CTNNA3: variants seen among roughly 807,000 people sequenced by gnomAD.
CTNNA3 encodes the protein catenin alpha 3, also known as catenin alpha-3.
A neutral mutation model predicts 95.7 loss-of-function variants in CTNNA3; 76 were observed. That is an observed-to-expected ratio of 0.79 (90% CI 0.66 to 0.96). The LOEUF (loss-of-function observed/expected upper bound fraction) is 0.96. Ranked by LOEUF, CTNNA3 falls within the 40% of genes least tolerant of loss-of-function variation. The probability of loss-of-function intolerance (pLI) is 0.00; values close to 1 mark genes in which losing one functional copy is unlikely to be tolerated. For synonymous variants in CTNNA3, 431 were observed against 374.4 expected, an observed-to-expected ratio of 1.15 and a Z score of -1.74; for missense variants, 1,191 against 1,089.8, an observed-to-expected ratio of 1.09 and a Z score of -1.31.
chr10:66,980,318 A>G (rs1213653734), intron 7 of CTNNA3, among the ~76,000 whole-genome samples: 1 of 152,174 alleles, frequency 6.6e-6, no homozygotes, highest in African/African-American at 2.4e-5. Flanking sequence ...TTCTTTCAGC[A>G]GCCAAACACT....
intron 9 of CTNNA3, among the ~76,000 whole-genome samples, chr10:66,753,698 C>T (rs1839255929): frequency 6.6e-6 from 1 of 150,958 alleles, no homozygotes; most frequent in Non-Finnish European, 1.5e-5. Context: ...TATACACACA[C>T]ACACAAATAA....
intron 5 of CTNNA3, among the ~76,000 whole-genome samples, chr10:67,425,033 G>A (rs989919574): frequency 5.3e-5 from 8 of 152,002 alleles, no homozygotes. Context: ...GTCACTCAAA[G>A]CACTTAGTAT....
At chr10:66,267,659 T>C (rs192875283) in intron 13 of CTNNA3, among the ~76,000 whole-genome samples, 9 of 152,250 alleles carry the variant, frequency 5.9e-5, no homozygotes, top group Admixed American at 5.2e-4. Context: ...GACTGTATCC[T>C]GTACAGGATA....
chr10:66,409,635 C>T (rs1245860521), intron 11 of CTNNA3, among the ~76,000 whole-genome samples: 1 of 152,088 alleles, frequency 6.6e-6, no homozygotes, highest in Non-Finnish European at 1.5e-5. Context: ...ACTCTGATGG[C>T]AGTGAGACCA....
At chr10:67,722,511 T>C (rs1263026233) in intron 1 of CTNNA3, among the ~76,000 whole-genome samples, 4 of 152,188 alleles carry the variant, frequency 2.6e-5, no homozygotes, top group African/African-American at 9.7e-5. Flanking sequence ...ATAAAGATGA[T>C]ATCCCAAAAG....
At chr10:66,772,669 C>T (rs552826629) in intron 8 of CTNNA3, among the ~76,000 whole-genome samples, 19 of 152,264 alleles carry the variant, frequency 1.2e-4, no homozygotes, top group East Asian at 3.9e-4. Flanking sequence ...ATACTCTCGC[C>T]TCCTAGAACA....
rs1207318988 is a variant in CTNNA3 at position 66,927,659 on chromosome 10, T to C, written c.1048-152135A>G. The C allele has an allele frequency of 1.9e-6, 3 of 1,614,182 alleles. No individual in the cohort carries two copies. Among genetic ancestry groups the C allele is most frequent in the Non-Finnish European group, 2.5e-6 (3 of 1,180,030 alleles). Reference sequence around the variant, plus strand: ...AAAATCAGTGTCATAGGACAGACCATGTCCTGGACCTGGAGCTCCTTACAA... The same window carrying C: ...AAAATCAGTGTCATAGGACAGACCACGTCCTGGACCTGGAGCTCCTTACAA... On this transcript the variant is annotated intron_variant, in intron 7 of 17. Transcript: ENST00000433211. This position sits in a 1 kb window ranked among gnomAD's most constrained non-coding sequence, Gnocchi z 4.7.
At chr10:66,040,712 C>G (rs1414546523) in intron 15 of CTNNA3, among the ~76,000 whole-genome samples, 6 of 152,044 alleles carry the variant, frequency 3.9e-5, no homozygotes, top group Admixed American at 6.6e-5. Flanking sequence ...ACAACAGACA[C>G]TGGCGCCTAC....
chr10:66,952,533 GTATT>G (rs1245211059), intron 7 of CTNNA3, among the ~76,000 whole-genome samples: 1 of 151,800 alleles, frequency 6.6e-6, no homozygotes, highest in Non-Finnish European at 1.5e-5. Flanking sequence ...AATTGTGTGT[GTATT>G]TATGTGTGTG....
intron 13 of CTNNA3, 80 bp downstream of exon 13, chr10:66,280,390 A>C (rs2091471056): frequency 8.2e-7 from 1 of 1,223,326 alleles, no homozygotes; most frequent in Admixed American, 2.0e-5. Context: ...ATAGAAATAA[A>C]GCATTTCTTG....
At chr10:67,310,716 G>A (rs998137876) in intron 5 of CTNNA3, among the ~76,000 whole-genome samples, 3 of 152,152 alleles carry the variant, frequency 2.0e-5, no homozygotes, top group African/African-American at 7.2e-5. Flanking sequence ...CAGGGGAAAA[G>A]CCCCTTATAA....
At chr10:67,278,411 G>A (rs1315580020) in intron 5 of CTNNA3, among the ~76,000 whole-genome samples, 1 of 152,146 alleles carries the variant, frequency 6.6e-6, no homozygotes, top group African/African-American at 2.4e-5. Flanking sequence ...GAAACACATT[G>A]GTTTGGTTCA....
At chr10:66,368,540 T>C (rs2092729915) in intron 12 of CTNNA3, among the ~76,000 whole-genome samples, 2 of 152,178 alleles carry the variant, frequency 1.3e-5, no homozygotes, top group African/African-American at 4.8e-5. Context: ...CTTTTCAGTT[T>C]ACTCTTGTGT....
intron 12 of CTNNA3, among the ~76,000 whole-genome samples, chr10:66,331,117 T>C (rs1470242058): frequency 1.3e-5 from 2 of 151,974 alleles, no homozygotes; most frequent in African/African-American, 4.8e-5. Flanking sequence ...TTGCTTTTGG[T>C]GTCTTAGACA....
At chr10:66,428,614 C>T (rs2093265314) in intron 11 of CTNNA3, among the ~76,000 whole-genome samples, 1 of 151,324 alleles carries the variant, frequency 6.6e-6, no homozygotes, top group South Asian at 2.1e-4. Context: ...CAAAACTGCT[C>T]AACTACATGG....
chr10:66,168,785 A>G (rs550890073), intron 13 of CTNNA3, among the ~76,000 whole-genome samples: 2 of 152,296 alleles, frequency 1.3e-5, no homozygotes, highest in South Asian at 2.1e-4. Flanking sequence ...GCTCTCTACC[A>G]TATAATCAAT....
At chr10:66,496,636 T>A (rs1840108410) in intron 11 of CTNNA3, among the ~76,000 whole-genome samples, 1 of 152,160 alleles carries the variant, frequency 6.6e-6, no homozygotes, top group African/African-American at 2.4e-5. Flanking sequence ...GTGTAAAGGA[T>A]CAAAGAAGGA....
At chr10:67,449,550 G>C (rs559146925) in intron 5 of CTNNA3, among the ~76,000 whole-genome samples, 4 of 152,082 alleles carry the variant, frequency 2.6e-5, no homozygotes, top group Non-Finnish European at 5.9e-5. Context: ...ACAAAAACAA[G>C]CAATGGAGAA....
In CTNNA3 at chr10:66,462,014, T is replaced by C. The variant is rs2093533319; in HGVS notation, c.1531+58603A>G. On this transcript the variant is annotated intron_variant, in intron 11 of 17. Coordinates refer to ENST00000433211, the MANE Select transcript of CTNNA3 (RefSeq NM_013266.4). ...TTTTTGGTAGAGACAGGTTTCATCA[T>C]GTTGGCCAGGCTGGTCTCAAACTCC... Among the ~76,000 whole-genome samples, 3 of 151,966 alleles carry C rather than the reference T, an allele frequency of 2.0e-5. No individual in the cohort carries two copies. The South Asian group carries it at 6.2e-4, about 32-fold the overall frequency.
Sources: gnomAD v4.1 joint callset for allele counts (sites outside exome capture counted in the v4.1 genomes callset) on GRCh38, gnomAD v4.1.1 for gene constraint, Gnocchi (gnomAD v3.1) non-coding constraint, MANE v1.5 for transcripts, NCBI Gene and HGNC (gene_info 2026-07-23, HGNC 2026-07-21) for gene names.